The following RYR2 variants were observed in gnomAD, a reference collection of about 807,000 sequenced individuals.
RYR2 encodes ryanodine receptor 2.
Under a neutral mutation model 601.1 loss-of-function variants are expected in RYR2, and 227 were observed. That is an observed-to-expected ratio of 0.38 (90% confidence interval 0.34 to 0.42). The LOEUF is 0.42. RYR2 is among the 10% of genes least tolerant of loss of function. The pLI is 1.00. For synonymous variants in RYR2, 2,223 were observed against 2,175.1 expected, an observed-to-expected ratio of 1.02 and a Z score of -0.61; for missense variants, 4,646 against 6,156.5, an observed-to-expected ratio of 0.75 and a Z score of 8.21.
chr1:237,174,014 G>GCA (rs1677729083), intron 1 of RYR2, among the ~76,000 whole-genome samples: 2 of 152,032 alleles, frequency 1.3e-5, no homozygotes, highest in African/African-American at 2.4e-5. Context: ...CCGAGATCTT[G>GCA]CCACTGCACT....
chr1:237,246,031 T>C (rs929562749), intron 1 of RYR2, among the ~76,000 whole-genome samples: 1 of 152,100 alleles, frequency 6.6e-6, no homozygotes, highest in Non-Finnish European at 1.5e-5. Flanking sequence ...CTGCCCGCCT[T>C]GGCCTCCCAA....
chr1:237,054,649 C>G (rs1661749717), intron 1 of RYR2, among the ~76,000 whole-genome samples: 1 of 152,090 alleles, frequency 6.6e-6, no homozygotes, highest in African/African-American at 2.4e-5. Flanking sequence ...TTGGAGTCTC[C>G]TTTGAACCTG....
At chr1:237,795,748 G>C (rs1458516338) in intron 96 of RYR2, among the ~76,000 whole-genome samples, 1 of 151,274 alleles carries the variant, frequency 6.6e-6, no homozygotes, top group Non-Finnish European at 1.5e-5. Context: ...ACCACATCCG[G>C]CCAAATATGA....
At chr1:237,188,875 T>G (rs956410213) in intron 1 of RYR2, among the ~76,000 whole-genome samples, 18 of 152,212 alleles carry the variant, frequency 1.2e-4, no homozygotes, top group African/African-American at 4.3e-4. Context: ...TTTGTCTTCT[T>G]GTTTTTTATT....
intron 1 of RYR2, among the ~76,000 whole-genome samples, chr1:237,218,770 C>G (rs1683460103): frequency 6.6e-6 from 1 of 152,052 alleles, no homozygotes; most frequent in Admixed American, 6.5e-5. Context: ...TCCCCTCATA[C>G]AGTCAAGGTC....
chr1:237,458,128 T>G (rs1457633940), intron 16 of RYR2, among the ~76,000 whole-genome samples: 4 of 152,154 alleles, frequency 2.6e-5, no homozygotes, highest in African/African-American at 9.7e-5. Context: ...GTCACTGTCT[T>G]TTAAAGTTAC....
At chr1:237,232,432 G>A (rs1239671761) in intron 1 of RYR2, among the ~76,000 whole-genome samples, 1 of 152,138 alleles carries the variant, frequency 6.6e-6, no homozygotes, top group Non-Finnish European at 1.5e-5. Flanking sequence ...TTTCTAAAGG[G>A]TGACATACCT....
intron 95 of RYR2, among the ~76,000 whole-genome samples, chr1:237,794,887 T>C (rs1053538061): frequency 1.3e-5 from 2 of 152,232 alleles, no homozygotes; most frequent in Non-Finnish European, 2.9e-5. Flanking sequence ...TCGAAGTTTC[T>C]GTGAGGATAA....
chr1:237,288,730 G>A (rs1019857577), intron 2 of RYR2, among the ~76,000 whole-genome samples: 12 of 152,112 alleles, frequency 7.9e-5, no homozygotes, highest in African/African-American at 2.9e-4. Context: ...TTACCCCAGG[G>A]TACCTGCCTT....
chr1:237,461,848 T>A (rs1168917564), intron 16 of RYR2, among the ~76,000 whole-genome samples: 1 of 151,942 alleles, frequency 6.6e-6, no homozygotes, highest in African/African-American at 2.4e-5. Context: ...AGAGTTTTTT[T>A]AATGTTTTTG....
intron 1 of RYR2, among the ~76,000 whole-genome samples, chr1:237,188,590 G>A (rs989974019): frequency 3.9e-5 from 6 of 151,952 alleles, no homozygotes; most frequent in Admixed American, 6.6e-5. Flanking sequence ...TTGAGATGGA[G>A]TTTCACTCTT....
intron 1 of RYR2, among the ~76,000 whole-genome samples, chr1:237,141,191 T>A (rs1673352212): frequency 2.0e-5 from 3 of 152,236 alleles, no homozygotes; most frequent in Non-Finnish European, 4.4e-5. Context: ...TCTAGTACCA[T>A]GGTTTATAGA....
At chr1:237,433,687 G>T (rs531280581) in intron 12 of RYR2, among the ~76,000 whole-genome samples, 2 of 152,202 alleles carry the variant, frequency 1.3e-5, no homozygotes, top group East Asian at 3.9e-4. Flanking sequence ...GTTACTGGTA[G>T]GTTGAAAATT....
intron 3 of RYR2, among the ~76,000 whole-genome samples, chr1:237,351,737 A>G (rs2787107): frequency 0.086 from 13,098 of 151,748 alleles, 893 homozygotes; most frequent in African/African-American, 0.18. Flanking sequence ...CTCACTGGTT[A>G]ATTCCACCAA....
chr1:237,371,533 A>C (rs766068769), intron 6 of RYR2, among the ~76,000 whole-genome samples: 1 of 152,222 alleles, frequency 6.6e-6, no homozygotes, highest in Non-Finnish European at 1.5e-5. Flanking sequence ...TAGTGGCAAC[A>C]TGATAGTTCA....
In RYR2 at chr1:237,784,832, G is replaced by A. The variant is rs1695417232; in HGVS notation, c.13120G>A (p.Asp4374Asn). Residue 4374 changes from aspartate (D) to asparagine (N), a missense_variant, in exon 90 of 105, where the codon GAC (aspartate) becomes AAC (asparagine). Transcript: ENST00000366574. The surrounding 1 kb of genome is among the most constrained non-coding windows in gnomAD (Gnocchi z 7.1). ...CTTAAAGGAGCTGACAGAGGAAAGT[G>A]ACCTTCTTTCGGACATCTTTGGCCT... ...TDLKELTEES[D>N]LLSDIFGLDL... is the part of the protein sequence containing the mutation. The A allele has an allele frequency of 1.2e-6, 2 of 1,613,778 alleles. No homozygotes were observed. The highest frequency in any genetic ancestry group is 1.7e-6 in the Non-Finnish European group (2 of 1,179,772).
chr1:237,535,849 T>A (rs527628133), intron 25 of RYR2, among the ~76,000 whole-genome samples: 1 of 152,320 alleles, frequency 6.6e-6, no homozygotes, highest in East Asian at 1.9e-4. Context: ...ATCATCCCAA[T>A]GTATTTAGAA....
intron 2 of RYR2, among the ~76,000 whole-genome samples, chr1:237,300,827 T>C (rs1418547726): frequency 6.6e-6 from 1 of 152,118 alleles, no homozygotes; most frequent in Non-Finnish European, 1.5e-5. Context: ...TTCACTCCCA[T>C]AATGCTGAGG....
chr1:237,199,080 G>C (rs1048176029), intron 1 of RYR2, among the ~76,000 whole-genome samples: 1 of 152,206 alleles, frequency 6.6e-6, no homozygotes, highest in East Asian at 1.9e-4. Context: ...GGGTCCTGCA[G>C]AGTGTGTGAA....
Sources: allele counts gnomAD v4.1 joint callset (sites outside exome capture counted in the v4.1 genomes callset), GRCh38; gene constraint gnomAD v4.1.1; non-coding constraint Gnocchi (gnomAD v3.1); transcripts MANE v1.5; gene names NCBI Gene and HGNC (gene_info 2026-07-23, HGNC 2026-07-21).